FSTL5: variants seen among roughly 807,000 people sequenced by gnomAD.
The protein encoded by FSTL5 is follistatin like 5, also known as follistatin-related protein 5.
Under a neutral mutation model 89.1 loss-of-function variants are expected in FSTL5, and 62 were observed. The observed-to-expected ratio is 0.70, with a 90% CI of 0.57 to 0.86. The LOEUF is 0.86. Among genes scored for constraint, FSTL5 ranks in the 40% least tolerant of loss-of-function variants. FSTL5 has a pLI of 0.00. For missense variants in FSTL5, 1,057 were observed against 1,001.6 expected (o/e 1.06, Z -0.75); for synonymous variants, 383 against 346.2 (o/e 1.11, Z -1.18).
chr4:161,471,667 A>G (rs1484022473), intron 13 of FSTL5, among the ~76,000 whole-genome samples: 4 of 152,186 alleles, frequency 2.6e-5, no homozygotes, highest in African/African-American at 9.6e-5. Flanking sequence ...TTCAGCAGTG[A>G]CATCATCAGA....
At chr4:161,406,698 C>T (rs1165810926) in intron 15 of FSTL5, among the ~76,000 whole-genome samples, 2 of 152,156 alleles carry the variant, frequency 1.3e-5, no homozygotes, top group South Asian at 2.1e-4. Flanking sequence ...TACTCTTTAA[C>T]AGTTTTGACG....
intron 15 of FSTL5, among the ~76,000 whole-genome samples, chr4:161,433,188 G>A (rs1732440250): frequency 6.7e-6 from 1 of 150,320 alleles, no homozygotes; most frequent in African/African-American, 2.4e-5. Context: ...TGAAATATGA[G>A]CAAACTAAGT....
intron 6 of FSTL5, among the ~76,000 whole-genome samples, chr4:161,754,389 T>C (rs1224271047): frequency 1.3e-5 from 2 of 152,172 alleles, no homozygotes; most frequent in Non-Finnish European, 2.9e-5. Flanking sequence ...AAAGTACATA[T>C]ATATGTATAT....
intron 3 of FSTL5, among the ~76,000 whole-genome samples, chr4:162,009,564 T>C (rs889006397): frequency 1.3e-5 from 2 of 152,040 alleles, no homozygotes; most frequent in East Asian, 3.9e-4. Context: ...TTATATGACC[T>C]CTGATTGCCC....
At chr4:161,800,155 G>A (rs1729749990) in intron 4 of FSTL5, among the ~76,000 whole-genome samples, 1 of 151,534 alleles carries the variant, frequency 6.6e-6, no homozygotes, top group Non-Finnish European at 1.5e-5. Context: ...TCCATATGTA[G>A]TCTCTGAGGA....
intron 3 of FSTL5, among the ~76,000 whole-genome samples, chr4:161,941,310 TTAAATC>T (rs775997468): frequency 6.6e-5 from 10 of 152,028 alleles, no homozygotes; most frequent in Non-Finnish European, 1.0e-4. Flanking sequence ...ATTAATTACT[TTAAATC>T]TAAATGGATT....
chr4:161,901,990 A>G (rs925720027), intron 4 of FSTL5, among the ~76,000 whole-genome samples: 2 of 152,194 alleles, frequency 1.3e-5, no homozygotes, highest in African/African-American at 4.8e-5. Context: ...AAAGCCAAAT[A>G]AAGATTAGTA....
intron 6 of FSTL5, among the ~76,000 whole-genome samples, chr4:161,690,876 C>T (rs938530015): frequency 6.6e-6 from 1 of 152,054 alleles, no homozygotes; most frequent in African/African-American, 2.4e-5. Context: ...ATTATTATCT[C>T]CCACTGATAA....
intron 4 of FSTL5, among the ~76,000 whole-genome samples, chr4:161,833,373 G>C (rs1460171941): frequency 5.3e-5 from 8 of 150,316 alleles, no homozygotes; most frequent in Admixed American, 2.7e-4. Flanking sequence ...TTGGGGTGGA[G>C]AGTTCTGTAG....
intron 12 of FSTL5, among the ~76,000 whole-genome samples, chr4:161,497,354 T>C (rs915365363): frequency 5.9e-5 from 9 of 152,078 alleles, no homozygotes; most frequent in African/African-American, 2.2e-4. Context: ...TCTCCATATA[T>C]TCTGTATTTA....
At chr4:162,070,112 C>A (rs1386889844) in intron 2 of FSTL5, among the ~76,000 whole-genome samples, 1 of 151,722 alleles carries the variant, frequency 6.6e-6, no homozygotes, top group Non-Finnish European at 1.5e-5. Context: ...TTTTGGTTTG[C>A]ATTTTCCTGA....
At chr4:161,776,715 T>A (rs1275934780) in intron 4 of FSTL5, among the ~76,000 whole-genome samples, 5 of 151,772 alleles carry the variant, frequency 3.3e-5, no homozygotes, top group African/African-American at 1.2e-4. Context: ...ATAAATAATG[T>A]TACAAATACA....
intron 1 of FSTL5, among the ~76,000 whole-genome samples, chr4:162,113,957 G>A (rs1731541319): frequency 6.6e-6 from 1 of 152,092 alleles, no homozygotes; most frequent in African/African-American, 2.4e-5. Flanking sequence ...GCAGGAAATT[G>A]TTTGCTTTTA....
intron 12 of FSTL5, among the ~76,000 whole-genome samples, chr4:161,488,774 A>T (rs977758521): frequency 1.3e-5 from 2 of 152,068 alleles, no homozygotes; most frequent in African/African-American, 4.8e-5. Context: ...ATAACAGTCT[A>T]CATGTTTTTG....
intron 6 of FSTL5, among the ~76,000 whole-genome samples, chr4:161,695,757 G>A (rs1044951508): frequency 6.6e-6 from 1 of 151,874 alleles, no homozygotes; most frequent in African/African-American, 2.4e-5. Flanking sequence ...GCCATTTGCA[G>A]GTCTTCTTTT....
chr4:162,088,543 G>C (rs1043033605), intron 2 of FSTL5, among the ~76,000 whole-genome samples: 1 of 151,954 alleles, frequency 6.6e-6, no homozygotes, highest in African/African-American at 2.4e-5. Flanking sequence ...GCATATTTGA[G>C]AGTATTCAGT....
At chr4:161,952,150 C>G (rs1022084955) in intron 3 of FSTL5, among the ~76,000 whole-genome samples, 1 of 152,002 alleles carries the variant, frequency 6.6e-6, no homozygotes, top group Non-Finnish European at 1.5e-5. Flanking sequence ...AATAATGGAT[C>G]TTTCTTTAAA....
At position 162,026,304 on chromosome 4, in the gene FSTL5, C is replaced by CTTTTTTTTTTTTTTTTTTTTTTTT. The variant is rs397996028; in HGVS notation, c.160+7320_160+7321insAAAAAAAAAAAAAAAAAAAAAAAA. Among the ~76,000 whole-genome samples the CTTTTTTTTTTTTTTTTTTTTTTTT allele has an allele frequency of 2.0e-3, 158 of 79,480 alleles. 14 individuals carry two copies. The highest frequency in any genetic ancestry group is 0.015 in the Middle Eastern group (1 of 68). The allele number at this position is 79,480 out of a possible 152,430, so 52.1% of individuals were successfully genotyped here. On this transcript the variant is annotated intron_variant, in intron 3 of 15. Coordinates refer to ENST00000306100, the MANE Select transcript of FSTL5 (RefSeq NM_020116.5). ...TTTCAGGAGACAGCTTATGTATTTT[C>CTTTTTTTTTTTTTTTTTTTTTTTT]TTTTTTTTTTTTTTTCTTTTTGAGA...
intron 4 of FSTL5, among the ~76,000 whole-genome samples, chr4:161,783,676 T>TCC (rs1491514855): frequency 3.5e-4 from 3 of 8,454 alleles, no homozygotes; most frequent in African/African-American, 2.7e-4. Context: ...TTTCTTTCTT[T>TCC]CTCTTTCTTT....
Sources: gnomAD v4.1 joint callset for allele counts (sites outside exome capture counted in the v4.1 genomes callset) on GRCh38, gnomAD v4.1.1 for gene constraint, MANE v1.5 for transcripts, NCBI Gene and HGNC (gene_info 2026-07-23, HGNC 2026-07-21) for gene names.